Variants in PPP2R2C observed in about 807,000 individuals in gnomAD.
PPP2R2C encodes the protein protein phosphatase 2 regulatory subunit Bgamma, also known as protein phosphatase 2, regulatory subunit B, gamma.
PPP2R2C carries 10 observed loss-of-function variants against 45.3 expected under a neutral mutation model. The observed-to-expected ratio is 0.22, with a 90% CI of 0.14 to 0.37. The LOEUF (loss-of-function observed/expected upper bound fraction) is 0.37. Among genes scored for constraint, PPP2R2C ranks in the 10% least tolerant of loss-of-function variants. PPP2R2C has a pLI of 1.00. For missense variants in PPP2R2C, 308 were observed against 619.7 expected (o/e 0.50, Z 5.34); for synonymous variants, 257 against 245.4 (o/e 1.05, Z -0.44).
At chr4:6,384,011 T>C (rs1577133223) in intron 1 of PPP2R2C, 1 of 985,564 alleles carries the variant, frequency 1.0e-6, no homozygotes, top group Non-Finnish European at 1.2e-6. Flanking sequence ...CAGATGCACA[T>C]GTCACTGAAC....
chr4:6,530,408 C>T (rs1170855249), intron 2 of PPP2R2C, among the ~76,000 whole-genome samples: 2 of 152,200 alleles, frequency 1.3e-5, no homozygotes, highest in African/African-American at 2.4e-5. Context: ...CTCAGCCCAG[C>T]AGCCCCGTGA....
At chr4:6,398,078 G>T (rs1717166376) in intron 1 of PPP2R2C, among the ~76,000 whole-genome samples, 1 of 152,178 alleles carries the variant, frequency 6.6e-6, no homozygotes, top group South Asian at 2.1e-4. Context: ...ATGACTGGGG[G>T]CAAAATGAAT....
intron 2 of PPP2R2C, among the ~76,000 whole-genome samples, chr4:6,513,207 T>A (rs1723724568): frequency 6.6e-6 from 1 of 152,186 alleles, no homozygotes. Context: ...GTAAATATGT[T>A]TAATCTTGAA....
At chr4:6,347,202 T>C (rs1219378472) in intron 6 of PPP2R2C, among the ~76,000 whole-genome samples, 1 of 152,178 alleles carries the variant, frequency 6.6e-6, no homozygotes, top group South Asian at 2.1e-4. Context: ...TGTGTGAAGA[T>C]TCGATGAGTT....
intron 5 of PPP2R2C, among the ~76,000 whole-genome samples, chr4:6,362,012 A>G (rs1056263303): frequency 6.6e-6 from 1 of 151,780 alleles, no homozygotes; most frequent in Non-Finnish European, 1.5e-5. Context: ...AGTGGGTGGG[A>G]AAATGTTTGG....
At chr4:6,414,997 G>A (rs776999275) in intron 1 of PPP2R2C, among the ~76,000 whole-genome samples, 37 of 152,186 alleles carry the variant, frequency 2.4e-4, no homozygotes, top group Admixed American at 8.5e-4. Context: ...AGAGCATCTC[G>A]CTCACACGAC....
chr4:6,384,586 T>TGC (rs1716090900), intron 1 of PPP2R2C: 2 of 985,036 alleles, frequency 2.0e-6, no homozygotes, highest in South Asian at 4.7e-5. Context: ...GTGTATATTA[T>TGC]TTTTATGATG....
intron 1 of PPP2R2C, among the ~76,000 whole-genome samples, chr4:6,426,867 C>T (rs1719360893): frequency 1.3e-5 from 2 of 152,258 alleles, no homozygotes. Context: ...TCTTGCTCCC[C>T]AAGTTTTGCA....
intron 1 of PPP2R2C, among the ~76,000 whole-genome samples, chr4:6,402,304 T>C (rs111536403): frequency 0.01 from 1,593 of 152,286 alleles, 32 homozygotes; most frequent in African/African-American, 0.036. Flanking sequence ...CGGCTCTTCA[T>C]ACAAGCGGCC....
At chr4:6,383,436 CCTG>C (rs1312042681) in intron 1 of PPP2R2C, 2 of 1,289,226 alleles carry the variant, frequency 1.6e-6, no homozygotes, top group Non-Finnish European at 2.0e-6. Flanking sequence ...CTGCTCTCCA[CCTG>C]CTTATTCCCC....
At chr4:6,436,833 G>A (rs560989691) in intron 1 of PPP2R2C, among the ~76,000 whole-genome samples, 1 of 152,312 alleles carries the variant, frequency 6.6e-6, no homozygotes, top group East Asian at 1.9e-4. Flanking sequence ...AAAACAGGAG[G>A]TGGGTCAGAT....
intron 1 of PPP2R2C, among the ~76,000 whole-genome samples, chr4:6,448,004 T>G (rs899625492): frequency 6.6e-6 from 1 of 152,040 alleles, no homozygotes; most frequent in African/African-American, 2.4e-5. Flanking sequence ...TCAGGAAGCA[T>G]AGGAGGAGCA....
intron 1 of PPP2R2C, among the ~76,000 whole-genome samples, chr4:6,543,456 T>C (rs1253953780): frequency 6.6e-6 from 1 of 152,040 alleles, no homozygotes; most frequent in Admixed American, 6.5e-5. Context: ...GGCGTGGTGG[T>C]TCATGCCTGT....
At chr4:6,474,773 A>G (rs908435635), upstream of PPP2R2C, among the ~76,000 whole-genome samples, 5 of 98,720 alleles carry the variant, frequency 5.1e-5, no homozygotes, top group African/African-American at 2.0e-4. Context: ...GCTCCTCCAC[A>G]CTGTCTCCTC....
intron 5 of PPP2R2C, among the ~76,000 whole-genome samples, chr4:6,362,800 T>C (rs1387134383): frequency 1.3e-5 from 2 of 152,154 alleles, no homozygotes; most frequent in African/African-American, 2.4e-5. Context: ...TGAGAGGCGG[T>C]GTAGCATGAC....
chr4:6,429,330 G>T (rs1417816933), intron 1 of PPP2R2C, among the ~76,000 whole-genome samples: 1 of 152,146 alleles, frequency 6.6e-6, no homozygotes, highest in Non-Finnish European at 1.5e-5. Flanking sequence ...GTAAATGTAC[G>T]GTTCTAATCA....
At chr4:6,410,210 C>A (rs564550996) in intron 1 of PPP2R2C, among the ~76,000 whole-genome samples, 1 of 152,314 alleles carries the variant, frequency 6.6e-6, no homozygotes, top group East Asian at 1.9e-4. Context: ...TGTGATTATA[C>A]CAGGCTCGAG....
chr4:6,456,975 AGGCG>A (rs1721074897), intron 1 of PPP2R2C, among the ~76,000 whole-genome samples: 1 of 152,288 alleles, frequency 6.6e-6, no homozygotes, highest in East Asian at 1.9e-4. Context: ...TGGGAGGCTA[AGGCG>A]GGCAGATCAC....
At chr4:6,393,070 T>C (rs1391925058) in intron 1 of PPP2R2C, among the ~76,000 whole-genome samples, 1 of 152,214 alleles carries the variant, frequency 6.6e-6, no homozygotes, top group African/African-American at 2.4e-5. Context: ...ATACATAACA[T>C]GAAATTCACC....
Sources: gnomAD v4.1 joint callset for allele counts (sites outside exome capture counted in the v4.1 genomes callset) on GRCh38, gnomAD v4.1.1 for gene constraint, MANE v1.5 for transcripts, NCBI Gene and HGNC (gene_info 2026-07-23, HGNC 2026-07-21) for gene names.